Variants in GABRB3 observed in about 807,000 individuals in gnomAD.
The protein encoded by GABRB3 is gamma-aminobutyric acid receptor subunit beta-3.
In GABRB3, 14 loss-of-function variants were observed where a neutral mutation model predicts 52.1. The observed-to-expected ratio is 0.27, with a 90% CI of 0.18 to 0.42. The LOEUF is 0.42. GABRB3 is among the 10% of genes least tolerant of loss of function. The probability of loss-of-function intolerance (pLI) is 1.00; values close to 1 mark genes in which losing one functional copy is unlikely to be tolerated. For missense variants in GABRB3, 307 were observed against 609.1 expected (o/e 0.50, Z 5.22); for synonymous variants, 260 against 232.3 (o/e 1.12, Z -1.08).
intron 3 of GABRB3, among the ~76,000 whole-genome samples, chr15:26,718,020 A>G (rs892211406): frequency 2.0e-5 from 3 of 152,188 alleles, no homozygotes; most frequent in African/African-American, 7.2e-5. Context: ...CCACTTTGGA[A>G]AAGAAAAACA....
chr15:26,618,826 A>G (rs1297716850), intron 4 of GABRB3, among the ~76,000 whole-genome samples: 1 of 152,120 alleles, frequency 6.6e-6, no homozygotes, highest in Non-Finnish European at 1.5e-5. Flanking sequence ...TACAAGAAAA[A>G]AACAAACAAT....
At chr15:26,618,017 G>T (rs1377465194) in intron 4 of GABRB3, among the ~76,000 whole-genome samples, 1 of 151,930 alleles carries the variant, frequency 6.6e-6, no homozygotes, top group Non-Finnish European at 1.5e-5. Context: ...AATAAAAGAG[G>T]ATACAAAGAA....
chr15:26,745,875 T>C (rs1002765667), intron 3 of GABRB3, among the ~76,000 whole-genome samples: 2 of 152,196 alleles, frequency 1.3e-5, no homozygotes, highest in Non-Finnish European at 1.5e-5. Context: ...TTGTTTCCAG[T>C]TTCAGGCTAT....
intron 3 of GABRB3, among the ~76,000 whole-genome samples, chr15:26,628,048 T>C (rs1892774026): frequency 6.6e-6 from 1 of 152,190 alleles, no homozygotes; most frequent in African/African-American, 2.4e-5. Context: ...AGCAAAAAGA[T>C]CATGACTCAC....
At chr15:26,759,577 G>GAGATGCCATAATTGACATCCA (rs1890757094) in intron 3 of GABRB3, among the ~76,000 whole-genome samples, 1 of 152,148 alleles carries the variant, frequency 6.6e-6, no homozygotes, top group Non-Finnish European at 1.5e-5. Flanking sequence ...ATTTTTTGTA[G>GAGATGCCATAATTGACATCCA]AGATGCCATA....
At chr15:26,686,223 G>A (rs908616171) in intron 3 of GABRB3, among the ~76,000 whole-genome samples, 44 of 152,300 alleles carry the variant, frequency 2.9e-4, no homozygotes, top group African/African-American at 9.6e-4. Flanking sequence ...GGGATTACAG[G>A]CGTGAGCCAC....
intron 3 of GABRB3, among the ~76,000 whole-genome samples, chr15:26,676,841 T>C (rs1310472533): frequency 1.3e-5 from 2 of 152,228 alleles, no homozygotes; most frequent in South Asian, 2.1e-4. Flanking sequence ...TTCCACATGA[T>C]ACCAGATATT....
intron 3 of GABRB3, among the ~76,000 whole-genome samples, chr15:26,721,945 C>T (rs943493837): frequency 7.9e-5 from 12 of 152,128 alleles, no homozygotes; most frequent in African/African-American, 2.7e-4. Flanking sequence ...GATGTGGTCA[C>T]AGGTTACTTT....
At chr15:26,641,492 G>A (rs542499672) in intron 3 of GABRB3, among the ~76,000 whole-genome samples, 2 of 152,368 alleles carry the variant, frequency 1.3e-5, no homozygotes, top group African/African-American at 4.8e-5. Context: ...GAAGGGTGCT[G>A]AAGTGCAGGA....
chr15:26,710,913 C>G (rs1170980214), intron 3 of GABRB3, among the ~76,000 whole-genome samples: 1 of 101,376 alleles, frequency 9.9e-6, no homozygotes, highest in Non-Finnish European at 2.2e-5. Flanking sequence ...TTTTTTTTTC[C>G]ATCTCTCAGT....
intron 3 of GABRB3, among the ~76,000 whole-genome samples, chr15:26,667,480 G>T (rs537008062): frequency 7.1e-4 from 108 of 152,350 alleles, no homozygotes; most frequent in Admixed American, 3.5e-3. Context: ...TGGAGCATGT[G>T]AACTCCAAAG....
At chr15:26,764,173 AAAAAAAATATATATATATATATATAT>A (rs1446626175) in intron 3 of GABRB3, among the ~76,000 whole-genome samples, 232 of 15,330 alleles carry the variant, frequency 0.015, 27 homozygotes, top group South Asian at 0.022. Context: ...AAAAAAAAAA[AAAAAAAATATATATATATATATATAT>A]ATATATATAT....
intron 3 of GABRB3, among the ~76,000 whole-genome samples, chr15:26,759,930 G>T (rs1368553708): frequency 6.6e-6 from 1 of 152,178 alleles, no homozygotes; most frequent in Admixed American, 6.5e-5. Context: ...CTCACTGAAG[G>T]TTTTATTCAC....
chr15:26,618,204 C>T (rs965638441), intron 4 of GABRB3, among the ~76,000 whole-genome samples: 14 of 152,194 alleles, frequency 9.2e-5, no homozygotes, highest in African/African-American at 3.4e-4. Flanking sequence ...GCCCACATCG[C>T]CAAGTCAATC....
intron 6 of GABRB3, among the ~76,000 whole-genome samples, chr15:26,576,089 A>G (rs1440767166): frequency 6.6e-6 from 1 of 152,240 alleles, no homozygotes; most frequent in Non-Finnish European, 1.5e-5. Context: ...TCTGTTGATC[A>G]GTGTGTTCAC....
rs891615993 is a variant in GABRB3 at position 26,591,495 on chromosome 15, T to C, written c.462-8081A>G. ...GCAAATGAGACAGGCCCAATGTACCTCCTCTTGATTTTCAAAGAATTTGGC... is the reference window on the plus strand; with the variant it reads ...GCAAATGAGACAGGCCCAATGTACCCCCTCTTGATTTTCAAAGAATTTGGC... On this transcript the variant is annotated intron_variant, in intron 4 of 8. Coordinates refer to ENST00000311550, the MANE Select transcript of GABRB3 (RefSeq NM_000814.6). Among the ~76,000 whole-genome samples the C allele has an allele frequency of 7.2e-5, 11 of 152,224 alleles. No individual in the cohort carries two copies. In the South Asian group the frequency reaches 2.3e-3, roughly 32 times the overall value.
intron 4 of GABRB3, among the ~76,000 whole-genome samples, chr15:26,606,907 G>C (rs1012316672): frequency 6.6e-6 from 1 of 150,542 alleles, no homozygotes; most frequent in African/African-American, 2.5e-5. Flanking sequence ...GAGTCCTTCT[G>C]GATGAACTGT....
At chr15:26,665,763 C>T (rs1887690635) in intron 3 of GABRB3, among the ~76,000 whole-genome samples, 1 of 152,146 alleles carries the variant, frequency 6.6e-6, no homozygotes, top group Non-Finnish European at 1.5e-5. Context: ...GCCATACAGG[C>T]TTATGTGTTG....
rs183831027 is a variant in GABRB3, at chr15:26,591,646, C to A, written c.462-8232G>T. On this transcript the variant is annotated intron_variant, in intron 4 of 8. Transcript: ENST00000311550. The stretch of plus-strand genomic sequence containing the variant: ...GAATGAGAAGTTCTTAAGGACTACA[C>A]CGCAGGTTCAACCCTCCGAAGAGGA... Among the ~76,000 whole-genome samples the A allele has an allele frequency of 4.2e-3, 633 of 152,296 alleles. 2 individuals carry two copies. Among genetic ancestry groups the A allele is most frequent in the Non-Finnish European group, 6.4e-3 (437 of 68,026 alleles).
Sources: allele counts gnomAD v4.1 joint callset (sites outside exome capture counted in the v4.1 genomes callset), GRCh38; gene constraint gnomAD v4.1.1; transcripts MANE v1.5; gene names NCBI Gene and HGNC (gene_info 2026-07-23, HGNC 2026-07-21).